The following GAREM1 variants were observed in gnomAD, a reference collection of about 807,000 sequenced individuals.
The protein encoded by GAREM1 is GRB2-associated and regulator of MAPK protein 1.
Under a neutral mutation model 71.3 loss-of-function variants are expected in GAREM1, and 26 were observed. The ratio of observed to expected loss-of-function variants is 0.36; its 90% CI spans 0.27 to 0.51. The LOEUF (loss-of-function observed/expected upper bound fraction) is 0.51. Ranked by LOEUF, GAREM1 falls within the 20% of genes least tolerant of loss-of-function variation. GAREM1 has a pLI of 0.95. For synonymous variants in GAREM1, 440 were observed against 433.2 expected (o/e 1.02, Z -0.20); for missense variants, 1,026 against 1,103.1 (o/e 0.93, Z 0.99).
chr18:32,453,979 G>A (rs961344879), intron 1 of GAREM1, among the ~76,000 whole-genome samples: 4 of 151,878 alleles, frequency 2.6e-5, no homozygotes, highest in Non-Finnish European at 5.9e-5. Flanking sequence ...TCTATAGGGG[G>A]GTGGGGTGAG....
At chr18:32,432,989 G>A (rs2048638082) in intron 1 of GAREM1, among the ~76,000 whole-genome samples, 1 of 151,902 alleles carries the variant, frequency 6.6e-6, no homozygotes, top group Non-Finnish European at 1.5e-5. Flanking sequence ...AAGAGTACAG[G>A]AAAAGACAAT....
chr18:32,467,510 G>T (rs1390755765), intron 1 of GAREM1, among the ~76,000 whole-genome samples: 2 of 152,142 alleles, frequency 1.3e-5, no homozygotes, highest in Admixed American at 1.3e-4. Context: ...TTAGGTTCCT[G>T]AAGTTCTTAA....
At chr18:32,420,363 A>AG (rs1254572854) in intron 1 of GAREM1, among the ~76,000 whole-genome samples, 2 of 151,100 alleles carry the variant, frequency 1.3e-5, no homozygotes, top group Non-Finnish European at 1.5e-5. Context: ...ATTTAAAAAT[A>AG]GGAAAAAAAA....
rs1157230204 is a variant in GAREM1 at position 32,378,012 on chromosome 18, C to CTGTGTGTGTGTGTGTG, written c.262+14867_262+14882dup. On this transcript the variant is annotated intron_variant, in intron 2 of 5. Transcript: ENST00000269209. ...ATCCCAAAGATCACTTACTATATAA[C>CTGTGTGTGTGTGTGTG]TGTGTGTGTGTGTGTGTGTGTGTGT... Among the ~76,000 whole-genome samples the CTGTGTGTGTGTGTGTG allele has an allele frequency of 1.2e-3, 156 of 131,838 alleles. 1 individual carries two copies. The highest frequency in any genetic ancestry group is 3.4e-3 in the African/African-American group (111 of 32,618). The allele number at this position is 131,838 out of a possible 152,430, so 86.5% of individuals were successfully genotyped here.
intron 1 of GAREM1, among the ~76,000 whole-genome samples, chr18:32,438,007 C>A (rs772314759): frequency 4.6e-5 from 7 of 152,052 alleles, no homozygotes; most frequent in Non-Finnish European, 1.0e-4. Context: ...TAACCCAACC[C>A]CAGCACCTCT....
chr18:32,447,757 T>C (rs993774702), intron 1 of GAREM1, among the ~76,000 whole-genome samples: 1 of 152,158 alleles, frequency 6.6e-6, no homozygotes, highest in African/African-American at 2.4e-5. Context: ...TACTTCCCCA[T>C]CCGCTTTGCA....
chr18:32,459,255 G>A (rs2048929377), intron 1 of GAREM1, among the ~76,000 whole-genome samples: 1 of 151,860 alleles, frequency 6.6e-6, no homozygotes, highest in Non-Finnish European at 1.5e-5. Context: ...TATCAGTCCT[G>A]GACTACATAT....
intron 4 of GAREM1, among the ~76,000 whole-genome samples, chr18:32,272,389 G>C (rs1291724688): frequency 6.6e-6 from 1 of 152,234 alleles, no homozygotes; most frequent in Non-Finnish European, 1.5e-5. Flanking sequence ...GGTTACTGGG[G>C]CCCAGTGGGT....
At chr18:32,455,196 C>T (rs2048875786) in intron 1 of GAREM1, among the ~76,000 whole-genome samples, 1 of 152,078 alleles carries the variant, frequency 6.6e-6, no homozygotes, top group Non-Finnish European at 1.5e-5. Context: ...ATTTACATTG[C>T]CCTACATTGT....
At chr18:32,306,772 T>C (rs1020170275) in intron 3 of GAREM1, among the ~76,000 whole-genome samples, 3 of 152,176 alleles carry the variant, frequency 2.0e-5, no homozygotes, top group Non-Finnish European at 2.9e-5. Context: ...TCCCCTACTA[T>C]ACTGTAATCT....
At position 32,465,391 on chromosome 18, in the gene GAREM1, T is replaced by C. The variant is rs144177833; in HGVS notation, c.121+4917A>G. On this transcript the variant is annotated intron_variant, in intron 1 of 5. Transcript: ENST00000269209. ...AGCCTCCCTGGGGCCTAAGTGTCCA[T>C]GTTTTTGCTCCTAGAGGCCAGTAAA... 3.4e-3 allele frequency among the ~76,000 whole-genome samples: 516 copies of C among 152,306 alleles called. 4 individuals carry two copies. Among genetic ancestry groups the C allele is most frequent in the Non-Finnish European group, 6.0e-3 (405 of 68,022 alleles).
At chr18:32,289,973 T>C (rs2047064314) in intron 3 of GAREM1, among the ~76,000 whole-genome samples, 1 of 150,962 alleles carries the variant, frequency 6.6e-6, no homozygotes, top group East Asian at 1.9e-4. Context: ...TGGTGGCTTA[T>C]TTAAGGTAGG....
intron 1 of GAREM1, among the ~76,000 whole-genome samples, chr18:32,439,206 T>C (rs1342342682): frequency 1.3e-5 from 2 of 152,144 alleles, no homozygotes; most frequent in Non-Finnish European, 2.9e-5. Flanking sequence ...GCCTGGTCAA[T>C]AGAATTCTAA....
At chr18:32,337,966 TACC>T (rs973997193) in intron 2 of GAREM1, among the ~76,000 whole-genome samples, 2 of 152,230 alleles carry the variant, frequency 1.3e-5, no homozygotes, top group Non-Finnish European at 2.9e-5. Flanking sequence ...GAAGGAGGCA[TACC>T]ACAAGACCCA....
intron 4 of GAREM1, among the ~76,000 whole-genome samples, chr18:32,282,023 G>A (rs916883690): frequency 5.9e-5 from 9 of 151,772 alleles, no homozygotes; most frequent in East Asian, 1.9e-4. Context: ...AGCACCTTGC[G>A]ACCCCCACTC....
At chr18:32,306,952 A>T (rs982329251) in intron 3 of GAREM1, among the ~76,000 whole-genome samples, 9 of 152,246 alleles carry the variant, frequency 5.9e-5, no homozygotes, top group Non-Finnish European at 4.4e-5. Flanking sequence ...AGATAGTTTT[A>T]AACACATCAA....
In GAREM1 at chr18:32,268,353, T is replaced by A; in HGVS notation, c.2149A>T (p.Lys717Ter). The A allele has an allele frequency of 6.2e-7, 1 of 1,614,118 alleles. No individual in the cohort carries two copies. The highest frequency in any genetic ancestry group is 8.5e-7 in the Non-Finnish European group (1 of 1,180,008). ...DVKSLAAGVT[K>*]QSTSCPALPP... ...AAGGCAGGGCATGACGTACTCTGCT[T>A]TGTCACACCAGCTGCAAGAGATTTC... The change falls in exon 6 of 6, where the codon AAG becomes TAG. Residue 717 changes from lysine to a stop codon, truncating the protein, a stop_gained. Transcript: ENST00000269209. LOFTEE classifies it high-confidence loss of function.
intron 2 of GAREM1, among the ~76,000 whole-genome samples, chr18:32,385,117 TA>T (rs551736110): frequency 1.1e-3 from 163 of 152,242 alleles, no homozygotes; most frequent in Admixed American, 3.7e-3. Context: ...CAGATTCCAT[TA>T]TACTTAAAAA....
chr18:32,434,799 T>C (rs2048658793), intron 1 of GAREM1, among the ~76,000 whole-genome samples: 1 of 152,214 alleles, frequency 6.6e-6, no homozygotes, highest in Middle Eastern at 3.4e-3. Context: ...AATGCTAAAA[T>C]GAGTGGGCAA....
Sources: gnomAD v4.1 joint callset for allele counts (sites outside exome capture counted in the v4.1 genomes callset) on GRCh38, gnomAD v4.1.1 for gene constraint, MANE v1.5 for transcripts, NCBI Gene and HGNC (gene_info 2026-07-23, HGNC 2026-07-21) for gene names.